The following KCNIP1 variants were observed in gnomAD, a reference collection of about 807,000 sequenced individuals.
KCNIP1 encodes potassium voltage-gated channel interacting protein 1.
KCNIP1 carries 18 observed loss-of-function variants against 33.0 expected under a neutral mutation model. The observed-to-expected ratio is 0.55, with a 90% CI of 0.38 to 0.81. The LOEUF (loss-of-function observed/expected upper bound fraction) is 0.81, where lower values mean the gene tolerates loss of function less well. KCNIP1 is among the 30% of genes least tolerant of loss of function. The pLI is 0.00. For missense variants in KCNIP1, 238 were observed against 271.6 expected (o/e 0.88, Z 0.87); for synonymous variants, 93 against 98.3 (o/e 0.95, Z 0.32).
rs529399147 is a variant in KCNIP1 at position 170,442,709 on chromosome 5, A to T, written c.88+88745A>T. On this transcript the variant is annotated intron_variant, in intron 1 of 7. Transcript: ENST00000377360. ...TCCTCAACAGCACCTTCTAGAGTGCAGATCTTTTTGCTGCTGTGAGAGAGG... is the reference window on the plus strand; with the variant it reads ...TCCTCAACAGCACCTTCTAGAGTGCTGATCTTTTTGCTGCTGTGAGAGAGG... 2.6e-5 allele frequency among the ~76,000 whole-genome samples: 4 copies of T among 152,346 alleles called. No individual in the cohort carries two copies. In the South Asian group the frequency reaches 8.3e-4, roughly 32 times the overall value.
At chr5:170,503,260 G>C (rs534363681), upstream of KCNIP1, among the ~76,000 whole-genome samples, 15 of 152,106 alleles carry the variant, frequency 9.9e-5, 1 homozygote, top group Middle Eastern at 3.4e-3. Context: ...TGGGCCTAGT[G>C]GTGGGCGCCT....
At chr5:170,638,379 G>T (rs761267038) in intron 1 of KCNIP1, among the ~76,000 whole-genome samples, 1 of 152,182 alleles carries the variant, frequency 6.6e-6, no homozygotes. Flanking sequence ...ACCTCTGTAT[G>T]CCCTGCAGCA....
At chr5:170,532,274 T>A (rs577753773) in intron 1 of KCNIP1, among the ~76,000 whole-genome samples, 1 of 152,238 alleles carries the variant, frequency 6.6e-6, no homozygotes, top group Non-Finnish European at 1.5e-5. Flanking sequence ...TCCCCATTCT[T>A]GCCAAGGGGT....
rs192390910 is a variant in KCNIP1, at chr5:170,433,502, A to G, written c.88+79538A>G. Among the ~76,000 whole-genome samples the G allele has an allele frequency of 2.9e-3, 436 of 152,316 alleles. 2 individuals are homozygous for G. The highest frequency in any genetic ancestry group is 0.014 in the Admixed American group (209 of 15,304). ...GTACCTGGCTGGTACCAATGTTTTT[A>G]AAAGCTTTATGGTTGAACCACTGAA... On this transcript the variant is annotated intron_variant, in intron 1 of 7. Coordinates refer to the KCNIP1 transcript ENST00000377360.
intron 1 of KCNIP1, 81 bp from the exon 2 acceptor site, chr5:170,718,677 C>A: frequency 6.4e-7 from 1 of 1,564,078 alleles, no homozygotes; most frequent in Non-Finnish European, 8.7e-7. Context: ...CGTGACACCA[C>A]TCTTTTGACA....
At chr5:170,620,965 T>C (rs1353414135) in intron 1 of KCNIP1, among the ~76,000 whole-genome samples, 2 of 151,906 alleles carry the variant, frequency 1.3e-5, no homozygotes, top group African/African-American at 4.8e-5. Context: ...ACTGAGGGAG[T>C]CTGCTATGTG....
intron 1 of KCNIP1, among the ~76,000 whole-genome samples, chr5:170,496,691 C>T (rs777602564): frequency 6.6e-6 from 1 of 152,184 alleles, no homozygotes; most frequent in Non-Finnish European, 1.5e-5. Context: ...CCATGTTTTG[C>T]ACACACTTTA....
intron 1 of KCNIP1, among the ~76,000 whole-genome samples, chr5:170,442,202 G>A (rs1423582038): frequency 6.6e-6 from 1 of 152,086 alleles, no homozygotes; most frequent in East Asian, 1.9e-4. Context: ...CCCTTGAGGA[G>A]ACAGCGTTGC....
intron 1 of KCNIP1, among the ~76,000 whole-genome samples, chr5:170,373,740 T>C (rs1326652352): frequency 2.6e-5 from 4 of 152,230 alleles, no homozygotes; most frequent in Non-Finnish European, 5.9e-5. Flanking sequence ...GTTTTAACAA[T>C]GCATGTTACA....
chr5:170,383,745 G>A lies in KCNIP1; in HGVS notation c.88+29781G>A, dbSNP rs753087338. On this transcript the variant is annotated intron_variant, in intron 1 of 7. Transcript: ENST00000377360. ...CAGCCCACCTGCCGGCAGCTGACACGTTGACCCACAGGCATGGGTACTGGG... is the reference window on the plus strand; with the variant it reads ...CAGCCCACCTGCCGGCAGCTGACACATTGACCCACAGGCATGGGTACTGGG... 3.6e-5 allele frequency: 58 copies of A among 1,614,046 alleles called. No individual in the cohort carries two copies. The highest frequency in any genetic ancestry group is 3.3e-4 in the Middle Eastern group (2 of 6,084).
At chr5:170,399,605 C>A (rs1401211066) in intron 1 of KCNIP1, among the ~76,000 whole-genome samples, 1 of 152,158 alleles carries the variant, frequency 6.6e-6, no homozygotes, top group Non-Finnish European at 1.5e-5. Context: ...GGATTATGTT[C>A]TAAAGATTGA....
chr5:170,517,548 A>ATGT (rs530320073), intron 1 of KCNIP1, among the ~76,000 whole-genome samples: 268 of 144,552 alleles, frequency 1.9e-3, no homozygotes, highest in African/African-American at 6.0e-3. Flanking sequence ...AGTATAGGTG[A>ATGT]TGTTGATTAT....
chr5:170,419,359 A>G (rs1342810916), intron 1 of KCNIP1, among the ~76,000 whole-genome samples: 1 of 152,148 alleles, frequency 6.6e-6, no homozygotes, highest in African/African-American at 2.4e-5. Flanking sequence ...TCAAGTAAAC[A>G]CCAAATATTC....
At chr5:170,595,185 T>TG (rs1758401630) in intron 1 of KCNIP1, among the ~76,000 whole-genome samples, 1 of 151,538 alleles carries the variant, frequency 6.6e-6, no homozygotes, top group South Asian at 2.1e-4. Flanking sequence ...GGTTGGGGAC[T>TG]GGGGGTGAGG....
intron 1 of KCNIP1, among the ~76,000 whole-genome samples, chr5:170,594,596 C>T (rs569776846): frequency 3.3e-5 from 5 of 152,242 alleles, no homozygotes; most frequent in Non-Finnish European, 7.4e-5. Context: ...CTGCAACATC[C>T]GCCTCCCAGG....
intron 1 of KCNIP1, among the ~76,000 whole-genome samples, chr5:170,432,655 A>G (rs1581187360): frequency 6.6e-6 from 1 of 152,200 alleles, no homozygotes; most frequent in East Asian, 1.9e-4. Flanking sequence ...GGAAATCAGA[A>G]AGTGATGATG....
chr5:170,562,849 C>G (rs555864980), intron 1 of KCNIP1, among the ~76,000 whole-genome samples: 63 of 152,194 alleles, frequency 4.1e-4, no homozygotes, highest in Non-Finnish European at 8.1e-4. Flanking sequence ...AAGGTTCAGG[C>G]CCTGGAATAT....
At chr5:170,649,245 A>G (rs887117418) in intron 1 of KCNIP1, among the ~76,000 whole-genome samples, 1 of 152,236 alleles carries the variant, frequency 6.6e-6, no homozygotes, top group African/African-American at 2.4e-5. Context: ...AAAAACTGGA[A>G]TCAATTTAAA....
chr5:170,724,329 G>A (rs1259792363), intron 5 of KCNIP1, among the ~76,000 whole-genome samples: 2 of 152,054 alleles, frequency 1.3e-5, no homozygotes, highest in Non-Finnish European at 2.9e-5. Flanking sequence ...CTTATGAAAG[G>A]AAACAACTAC....
Sources: allele counts gnomAD v4.1 joint callset (sites outside exome capture counted in the v4.1 genomes callset), GRCh38; gene constraint gnomAD v4.1.1; transcripts MANE v1.5; gene names NCBI Gene and HGNC (gene_info 2026-07-23, HGNC 2026-07-21).